SLC44A5: variants seen among roughly 807,000 people sequenced by gnomAD.
SLC44A5 encodes solute carrier family 44 member 5.
In SLC44A5, 57 loss-of-function variants were observed where a neutral mutation model predicts 101.8. The ratio of observed to expected loss-of-function variants is 0.56; its 90% confidence interval spans 0.45 to 0.70. SLC44A5 has a LOEUF of 0.70. SLC44A5 is among the 30% of genes least tolerant of loss of function. The pLI is 0.00. For missense variants in SLC44A5, 737 were observed against 853.1 expected (o/e 0.86, Z 1.70); for synonymous variants, 281 against 290.9 (o/e 0.97, Z 0.35).
chr1:75,598,514 G>A (rs1674784996), intron 1 of SLC44A5, among the ~76,000 whole-genome samples: 1 of 152,108 alleles, frequency 6.6e-6, no homozygotes, highest in African/African-American at 2.4e-5. Flanking sequence ...GCAAAGACAT[G>A]GAATCAACCT....
At chr1:75,442,009 C>G (rs1386246389) in intron 2 of SLC44A5, among the ~76,000 whole-genome samples, 1 of 152,084 alleles carries the variant, frequency 6.6e-6, no homozygotes, top group African/African-American at 2.4e-5. Flanking sequence ...TAAGAATGAT[C>G]ATTTAACTAA....
chr1:75,303,233 T>C (rs1557641815), intron 4 of SLC44A5, among the ~76,000 whole-genome samples: 1 of 150,384 alleles, frequency 6.6e-6, no homozygotes, highest in African/African-American at 2.5e-5. Context: ...TGGAAGGTTT[T>C]TGTTTGTTTG....
the SLC44A5 span, among the ~76,000 whole-genome samples, chr1:75,677,409 C>A: frequency 1.3e-5 from 2 of 152,144 alleles, no homozygotes; most frequent in Non-Finnish European, 2.9e-5. Context: ...AAGTTGTTAT[C>A]AGTTTAAAAT....
chr1:75,300,166 G>A (rs749712218), intron 5 of SLC44A5, among the ~76,000 whole-genome samples: 1 of 151,896 alleles, frequency 6.6e-6, no homozygotes, highest in Non-Finnish European at 1.5e-5. Context: ...AGAACTTTTT[G>A]TATGTCAATG....
intron 3 of SLC44A5, among the ~76,000 whole-genome samples, chr1:75,372,535 T>G (rs891316166): frequency 2.8e-5 from 3 of 107,980 alleles, no homozygotes; most frequent in Non-Finnish European, 5.4e-5. Context: ...CATGTACATA[T>G]AGTGAAGTGA....
rs1646688722 is a variant in SLC44A5, at chr1:75,202,986, TAGTG to T, written c.*737_*740del. On this transcript the variant is annotated 3_prime_UTR_variant, in exon 24 of 24. Coordinates refer to ENST00000370859, the MANE Select transcript of SLC44A5 (RefSeq NM_001130058.2). ...TTTAGCTGCACAATGTATTCCATAA[TAGTG>T]AGGATATCAAACAGAGCAAAATGAC... 1 of 152,300 alleles carries T rather than the reference TAGTG, an allele frequency of 6.6e-6. No individual in the cohort carries two copies. The highest frequency in any genetic ancestry group is 1.5e-5 in the Non-Finnish European group (1 of 68,020). The allele number at this position is 152,300 out of a possible 1,614,324, so 9.4% of individuals were successfully genotyped here.
Position 75,441,523 on chromosome 1 carries a change from G to A in SLC44A5, c.14-44902C>T, listed in dbSNP as rs144002058. 7.1e-3 allele frequency among the ~76,000 whole-genome samples: 1,071 copies of A among 150,770 alleles called. 4 individuals are homozygous for A. Among genetic ancestry groups the A allele is most frequent in the Non-Finnish European group, 0.011 (755 of 67,670 alleles). ...AAAAAAAACAAATAGAGAGGCCAAA[G>A]GTGAAAAAACAGTATATAACTAATT... is the stretch of plus-strand genomic sequence containing the variant. On this transcript the variant is annotated intron_variant, in intron 2 of 23. Coordinates refer to ENST00000370859, the MANE Select transcript of SLC44A5 (RefSeq NM_001130058.2).
At chr1:75,581,835 C>T (rs188222844) in intron 1 of SLC44A5, among the ~76,000 whole-genome samples, 275 of 152,306 alleles carry the variant, frequency 1.8e-3, no homozygotes, top group African/African-American at 6.1e-3. Flanking sequence ...CCTATTTCAC[C>T]ATGTGATTTC....
At chr1:75,421,281 CTGCAGG>C (rs1663986944) in intron 2 of SLC44A5, among the ~76,000 whole-genome samples, 1 of 151,932 alleles carries the variant, frequency 6.6e-6, no homozygotes, top group South Asian at 2.1e-4. Flanking sequence ...ACTAGGAACC[CTGCAGG>C]TGCTAAAAAG....
At chr1:75,621,550 C>T in the SLC44A5 span, among the ~76,000 whole-genome samples, 3 of 152,054 alleles carry the variant, frequency 2.0e-5, no homozygotes, top group African/African-American at 7.2e-5. Context: ...ATATGACCCA[C>T]AGAAGAGTAT....
chr1:75,212,255 T>C (rs924461876), intron 22 of SLC44A5, among the ~76,000 whole-genome samples: 11 of 152,108 alleles, frequency 7.2e-5, no homozygotes, highest in Non-Finnish European at 4.4e-5. Context: ...AAATTATGTG[T>C]CATAGGGGTT....
At chr1:75,623,533 C>T in the SLC44A5 span, among the ~76,000 whole-genome samples, 1 of 151,678 alleles carries the variant, frequency 6.6e-6, no homozygotes, top group East Asian at 1.9e-4. Flanking sequence ...TACTATTGTA[C>T]TGATATATTA....
intron 7 of SLC44A5, among the ~76,000 whole-genome samples, chr1:75,249,538 G>A (rs1570467694): frequency 6.6e-6 from 1 of 152,100 alleles, no homozygotes; most frequent in African/African-American, 2.4e-5. Flanking sequence ...ACGGCTATAG[G>A]AAGCAATGGA....
At chr1:75,435,208 T>A (rs957041302) in intron 2 of SLC44A5, among the ~76,000 whole-genome samples, 1 of 152,126 alleles carries the variant, frequency 6.6e-6, no homozygotes, top group Non-Finnish European at 1.5e-5. Context: ...GCTACCTCCA[T>A]CCCCAAAAGC....
chr1:75,693,127 G>T, the SLC44A5 span, among the ~76,000 whole-genome samples: 1 of 152,186 alleles, frequency 6.6e-6, no homozygotes, highest in Non-Finnish European at 1.5e-5. Context: ...TGAGGTTGGG[G>T]TATCAAAGAC....
intron 4 of SLC44A5, among the ~76,000 whole-genome samples, chr1:75,338,014 C>G (rs908110154): frequency 3.3e-5 from 5 of 152,174 alleles, no homozygotes; most frequent in African/African-American, 1.2e-4. Context: ...CAGTTATTTT[C>G]CCGGTAAGGA....
chr1:75,562,289 T>A (rs573521090), intron 1 of SLC44A5, among the ~76,000 whole-genome samples: 2 of 152,276 alleles, frequency 1.3e-5, no homozygotes, highest in African/African-American at 4.8e-5. Context: ...TGTTTTTAAT[T>A]CTTAGACTTC....
At chr1:75,620,439 C>T in the SLC44A5 span, among the ~76,000 whole-genome samples, 1 of 152,160 alleles carries the variant, frequency 6.6e-6, no homozygotes, top group Non-Finnish European at 1.5e-5. Flanking sequence ...AACTAATTTA[C>T]ACTCCCACCA....
rs764905208 is a variant in SLC44A5, at chr1:75,251,292, T to A, written c.263A>T (p.Asn88Ile). 2 of 1,610,978 alleles carry A rather than the reference T, an allele frequency of 1.2e-6. No homozygotes were observed. The highest frequency in any genetic ancestry group is 3.4e-5 in the Admixed American group (2 of 59,688). Reference protein sequence around the residue: ...FCGQKGTPNENKTILFYFNLL... With the variant: ...FCGQKGTPNEIKTILFYFNLL... ...GTTAAAGTAAAACAAAATGGTCTTG[T>A]TCCTGTTAAGAAAGAAAACATAATC... The change falls in exon 7 of 24, where the codon AAC (asparagine) becomes ATC (isoleucine). Residue 88 changes from asparagine (N) to isoleucine (I), a missense_variant and splice_region_variant. By Grantham distance (149) the Asn-to-Ile change is moderately radical. Around this residue, in one of 3 missense-constraint regions of SLC44A5, gnomAD observed 665 missense variants for 764.4 expected, o/e 0.87. Transcript: ENST00000370859.
Sources: gnomAD v4.1 joint callset for allele counts (sites outside exome capture counted in the v4.1 genomes callset) on GRCh38, gnomAD v4.1.1 for gene constraint, gnomAD v4.1.1 regional missense constraint, MANE v1.5 for transcripts, NCBI Gene and HGNC (gene_info 2026-07-23, HGNC 2026-07-21) for gene names.